Variants in ADGRL2 observed in about 807,000 individuals in gnomAD.
The protein encoded by ADGRL2 is adhesion G protein-coupled receptor L2, also known as calcium-independent alpha-latrotoxin receptor 2.
Under a neutral mutation model 157.4 loss-of-function variants are expected in ADGRL2, and 44 were observed. That is an observed-to-expected ratio of 0.28 (90% CI 0.22 to 0.36). The LOEUF (loss-of-function observed/expected upper bound fraction) is 0.36, where lower values mean the gene tolerates loss of function less well. Ranked by LOEUF, ADGRL2 falls within the 10% of genes least tolerant of loss-of-function variation. ADGRL2 has a pLI of 1.00. For synonymous variants in ADGRL2, 585 were observed against 624.7 expected (o/e 0.94, Z 0.95); for missense variants, 1,510 against 1,768.9 (o/e 0.85, Z 2.63).
intron 1 of ADGRL2, among the ~76,000 whole-genome samples, chr1:81,822,938 A>C (rs1041425176): frequency 6.6e-6 from 1 of 152,064 alleles, no homozygotes; most frequent in African/African-American, 2.4e-5. Context: ...GAGGGGTTTA[A>C]TGATGAAAAT....
chr1:81,481,593 C>T (rs1461499392), intron 2 of ADGRL2, among the ~76,000 whole-genome samples: 1 of 152,156 alleles, frequency 6.6e-6, no homozygotes, highest in African/African-American at 2.4e-5. Context: ...ATCTGGGTAA[C>T]CTCATTTTCA....
chr1:81,525,767 T>TG (rs774390895), intron 2 of ADGRL2, among the ~76,000 whole-genome samples: 5 of 152,112 alleles, frequency 3.3e-5, no homozygotes, highest in Non-Finnish European at 7.4e-5. Context: ...ATTATATTGG[T>TG]GGGGGGCAAA....
In ADGRL2 at chr1:81,706,236, A is replaced by T. The variant is rs543097884; in HGVS notation, c.-143+6428A>T. 4.5e-4 allele frequency among the ~76,000 whole-genome samples: 69 copies of T among 151,842 alleles called. No homozygotes were observed. In the South Asian group the frequency reaches 8.1e-3, roughly 18 times the overall value. On this transcript the variant is annotated intron_variant, in intron 1 of 20. Coordinates refer to the ADGRL2 transcript ENST00000359929. ...AAAAATAAAAACAAAAAAATAAAAA[A>T]ATTTTTTTAAAAAGGGATGGAAAAG...
At chr1:81,921,629 T>C (rs1399229469) in intron 3 of ADGRL2, among the ~76,000 whole-genome samples, 1 of 152,220 alleles carries the variant, frequency 6.6e-6, no homozygotes, top group Non-Finnish European at 1.5e-5. Context: ...TCTAACATTT[T>C]ATAGATTTTG....
At chr1:81,316,619 G>T (rs549403550) in intron 1 of ADGRL2, among the ~76,000 whole-genome samples, 1 of 152,076 alleles carries the variant, frequency 6.6e-6, no homozygotes, top group African/African-American at 2.4e-5. Context: ...CATGGTATAC[G>T]CAAGGTTGAT....
chr1:81,915,427 T>TTGAAGACTG (rs1572100222), intron 3 of ADGRL2, among the ~76,000 whole-genome samples: 1 of 152,082 alleles, frequency 6.6e-6, no homozygotes, highest in African/African-American at 2.4e-5. Flanking sequence ...CTACTAGATG[T>TTGAAGACTG]TGAAGACTGA....
chr1:81,493,441 A>G (rs1343903536), intron 2 of ADGRL2, among the ~76,000 whole-genome samples: 1 of 152,176 alleles, frequency 6.6e-6, no homozygotes, highest in Non-Finnish European at 1.5e-5. Flanking sequence ...ATTTTATTTC[A>G]TTAACTATTA....
At chr1:81,487,240 A>G (rs2078528051) in intron 2 of ADGRL2, among the ~76,000 whole-genome samples, 1 of 152,118 alleles carries the variant, frequency 6.6e-6, no homozygotes, top group Admixed American at 6.6e-5. Flanking sequence ...AGCCATCATG[A>G]CAGAGTGAGA....
chr1:81,389,578 G>A (rs2076497433), intron 1 of ADGRL2, among the ~76,000 whole-genome samples: 1 of 152,150 alleles, frequency 6.6e-6, no homozygotes, highest in Non-Finnish European at 1.5e-5. Flanking sequence ...ATGATTTCGG[G>A]TATTATTGAA....
At chr1:81,905,131 C>A (rs1424009476) in intron 2 of ADGRL2, among the ~76,000 whole-genome samples, 2 of 147,106 alleles carry the variant, frequency 1.4e-5, no homozygotes, top group Admixed American at 6.8e-5. Flanking sequence ...GAGTTTGGCT[C>A]TTTTTGCCCA....
At chr1:81,347,432 GA>G (rs1364182814) in intron 1 of ADGRL2, among the ~76,000 whole-genome samples, 5 of 152,022 alleles carry the variant, frequency 3.3e-5, no homozygotes, top group Non-Finnish European at 7.4e-5. Context: ...GTCTTAGATA[GA>G]AATGAGGGAC....
intron 1 of ADGRL2, among the ~76,000 whole-genome samples, chr1:81,391,247 T>C (rs1484473664): frequency 6.6e-6 from 1 of 152,308 alleles, no homozygotes; most frequent in Non-Finnish European, 1.5e-5. Flanking sequence ...TGACATGTGG[T>C]TTGTGCTTGT....
chr1:81,535,701 G>A (rs1371077632), intron 2 of ADGRL2, among the ~76,000 whole-genome samples: 1 of 152,204 alleles, frequency 6.6e-6, no homozygotes, highest in South Asian at 2.1e-4. Flanking sequence ...CGCATAGCAG[G>A]ATTTTGGCAG....
At chr1:81,728,330 T>C (rs1194275067) in intron 1 of ADGRL2, among the ~76,000 whole-genome samples, 1 of 152,204 alleles carries the variant, frequency 6.6e-6, no homozygotes, top group African/African-American at 2.4e-5. Flanking sequence ...GGGAATCATA[T>C]TTCGGTCCAC....
At position 81,310,621 on chromosome 1, in the gene ADGRL2, T is replaced by C. The variant is rs1214175183; in HGVS notation, c.-302+4112T>C. ...CTGCCCTGTATATCCACAACCTCTATCTGCTGGCAGGCAGAAAGCCCAAGA... is the reference window on the plus strand; with the variant it reads ...CTGCCCTGTATATCCACAACCTCTACCTGCTGGCAGGCAGAAAGCCCAAGA... On this transcript the variant is annotated intron_variant, in intron 1 of 24. Coordinates refer to the ADGRL2 transcript ENST00000370721. Among the ~76,000 whole-genome samples the C allele has an allele frequency of 5.3e-5, 8 of 152,196 alleles. No homozygotes were observed. The East Asian group carries it at 1.5e-3, about 29-fold the overall frequency.
rs1028230169 is a variant in ADGRL2 at position 81,398,032 on chromosome 1, C to T, written c.-301-47004C>T. ...CATATATTTTTGTAATTGTTATATCCTCTTGCTGAATGGATCCCTTTATAT... is the reference window on the plus strand; with the variant it reads ...CATATATTTTTGTAATTGTTATATCTTCTTGCTGAATGGATCCCTTTATAT... On this transcript the variant is annotated intron_variant, in intron 1 of 24. Coordinates refer to the ADGRL2 transcript ENST00000370721. 3.3e-5 allele frequency among the ~76,000 whole-genome samples: 5 copies of T among 152,006 alleles called. No homozygotes were observed. In the East Asian group the frequency reaches 5.8e-4, roughly 18 times the overall value.
At chr1:81,456,208 A>C (rs2077802474) in intron 2 of ADGRL2, among the ~76,000 whole-genome samples, 1 of 151,810 alleles carries the variant, frequency 6.6e-6, no homozygotes, top group Non-Finnish European at 1.5e-5. Context: ...TGTATTATAC[A>C]CTTGTTTTTC....
In ADGRL2 at chr1:81,770,437, A is replaced by G. The variant is rs188205874; in HGVS notation, c.-101+8585A>G. Among the ~76,000 whole-genome samples, 162 of 151,986 alleles carry G rather than the reference A, an allele frequency of 1.1e-3. 1 individual carries two copies. The highest frequency in any genetic ancestry group is 0.01 in the Admixed American group (159 of 15,252). On this transcript the variant is annotated intron_variant, in intron 2 of 20. Coordinates refer to the ADGRL2 transcript ENST00000359929. ...TGGCCTCTCAAAGTGCTGGGATTAC[A>G]GGCGTGAGCCACCACGCCTGGCTGC...
intron 10 of ADGRL2, among the ~76,000 whole-genome samples, chr1:81,953,677 C>T (rs998021041): frequency 2.0e-5 from 3 of 152,148 alleles, no homozygotes; most frequent in African/African-American, 4.8e-5. Flanking sequence ...TAATAGGAAA[C>T]ATGCTGAGGC....
Sources: allele counts gnomAD v4.1 joint callset (sites outside exome capture counted in the v4.1 genomes callset), GRCh38; gene constraint gnomAD v4.1.1; transcripts MANE v1.5; gene names NCBI Gene and HGNC (gene_info 2026-07-23, HGNC 2026-07-21).